The following AGAP4 variants were observed in gnomAD, a reference collection of about 807,000 sequenced individuals.
The protein encoded by AGAP4 is ArfGAP with GTPase domain, ankyrin repeat and PH domain 4, also known as arf-GAP with GTPase, ANK repeat and PH domain-containing protein 4.
Under a neutral mutation model 60.7 loss-of-function variants are expected in AGAP4, and 13 were observed. The ratio of observed to expected loss-of-function variants is 0.21; its 90% confidence interval spans 0.14 to 0.34. AGAP4 has a LOEUF of 0.34. AGAP4 is among the 10% of genes least tolerant of loss of function. AGAP4 has a pLI of 1.00. For synonymous variants in AGAP4, 70 were observed against 339.0 expected (o/e 0.21, Z 8.72); for missense variants, 169 against 884.0 (o/e 0.19, Z 10.26).
chr10:45,838,915 TAAAC>T (rs1416214792), intron 4 of AGAP4, among the ~76,000 whole-genome samples: 64 of 143,848 alleles, frequency 4.4e-4, no homozygotes, highest in Admixed American at 1.8e-3. Context: ...ATGAAAATAT[TAAAC>T]AAGGCCTTAG....
At chr10:45,838,071 A>C (rs1347272362) in intron 4 of AGAP4, among the ~76,000 whole-genome samples, 1 of 150,132 alleles carries the variant, frequency 6.7e-6, no homozygotes, top group Non-Finnish European at 1.5e-5. Flanking sequence ...AGAAACCGTG[A>C]TATACATACA....
chr10:45,849,247 C>A (rs2059049412), upstream of AGAP4, among the ~76,000 whole-genome samples: 1 of 151,158 alleles, frequency 6.6e-6, no homozygotes, highest in Admixed American at 6.6e-5. Flanking sequence ...CAAAACAAAA[C>A]CCTATAAGAT....
At chr10:45,848,318 A>G (rs1378116676), upstream of AGAP4, among the ~76,000 whole-genome samples, 3 of 140,134 alleles carry the variant, frequency 2.1e-5, no homozygotes, top group African/African-American at 5.4e-5. Context: ...GCTGAAACTT[A>G]CCAACTCCCT....
At chr10:45,844,626 G>C in intron 2 of AGAP4, 1 of 410,252 alleles carries the variant, frequency 2.4e-6, no homozygotes, top group South Asian at 4.0e-5. Flanking sequence ...TCAGGAAGTT[G>C]AGGCCAGCAT....
At chr10:45,848,847 A>G (rs1276448992), upstream of AGAP4, 1 of 151,414 alleles carries the variant, frequency 6.6e-6, no homozygotes, top group African/African-American at 2.4e-5. Flanking sequence ...ACTTACAATC[A>G]TGGCAGAAGG....
At chr10:45,842,314 G>A (rs1389861087) in intron 3 of AGAP4, among the ~76,000 whole-genome samples, 89 of 148,368 alleles carry the variant, frequency 6.0e-4, no homozygotes, top group Middle Eastern at 6.9e-3. Flanking sequence ...GGATCTCAGC[G>A]CACTGCAACC....
chr10:45,832,183 A>G (rs2058743594), intron 5 of AGAP4, among the ~76,000 whole-genome samples: 3 of 142,528 alleles, frequency 2.1e-5, no homozygotes, highest in African/African-American at 7.7e-5. Flanking sequence ...ATTAGCAGGT[A>G]AGATGGATAT....
At chr10:45,850,656 T>A (rs1169352024), upstream of AGAP4, among the ~76,000 whole-genome samples, 1 of 152,234 alleles carries the variant, frequency 6.6e-6, no homozygotes, top group African/African-American at 2.4e-5. Flanking sequence ...AAGTCTGTGA[T>A]CATTTGGGAG....
rs1458877288 is a variant in AGAP4, at chr10:45,836,922, A to G, written c.397-2806T>C. 3.2e-4 allele frequency among the ~76,000 whole-genome samples: 48 copies of G among 149,220 alleles called. No individual in the cohort carries two copies. The South Asian group carries it at 4.9e-3, about 15-fold the overall frequency. On this transcript the variant is annotated intron_variant, in intron 4 of 7. Coordinates refer to ENST00000616763, the MANE Select transcript of AGAP4 (RefSeq NM_001276343.3). ...CTCTGTTGCCCAGGCTGGAATATGC[A>G]GTGTGGTGATCTTGGCTCACTGCAA...
At chr10:45,848,126 C>G (rs1440393115), upstream of AGAP4, among the ~76,000 whole-genome samples, 1 of 148,278 alleles carries the variant, frequency 6.7e-6, no homozygotes, top group African/African-American at 2.5e-5. Context: ...ACACTCCTCT[C>G]CTGTCTTCCA....
At chr10:45,848,545 A>T (rs550425881), upstream of AGAP4, among the ~76,000 whole-genome samples, 1 of 151,384 alleles carries the variant, frequency 6.6e-6, no homozygotes, top group Admixed American at 6.6e-5. Context: ...CTCAGAAACA[A>T]TCTCATGTTA....
Position 45,829,585 on chromosome 10 carries a change from C to A in AGAP4, c.534-1505G>T, listed in dbSNP as rs2058698744. The stretch of plus-strand genomic sequence containing the variant: ...TAAGAAAATTAGCCTGGCGTGGTGC[C>A]ACACATCTGTGGTCCCAGCTACAAA... On this transcript the variant is annotated intron_variant, in intron 6 of 7. Transcript: ENST00000616763. 2.0e-5 allele frequency among the ~76,000 whole-genome samples: 3 copies of A among 152,206 alleles called. No homozygotes were observed. The South Asian group carries it at 6.2e-4, about 31-fold the overall frequency.
At chr10:45,840,048 A>C (rs1590031603) in intron 4 of AGAP4, among the ~76,000 whole-genome samples, 1 of 150,418 alleles carries the variant, frequency 6.6e-6, no homozygotes, top group South Asian at 2.1e-4. Flanking sequence ...AAAATAAAAA[A>C]AAAAATTCTC....
At chr10:45,831,897 G>A (rs2058737510) in intron 5 of AGAP4, among the ~76,000 whole-genome samples, 1 of 147,622 alleles carries the variant, frequency 6.8e-6, no homozygotes, top group African/African-American at 2.5e-5. Context: ...GTGCCACTAT[G>A]CCCAGATAAT....
Position 45,831,433 on chromosome 10 carries a change from T to G in AGAP4, c.498-4A>C, listed in dbSNP as rs1274767943. The G allele has an allele frequency of 4.4e-6, 7 of 1,588,082 alleles. 1 individual carries two copies. The highest frequency in any genetic ancestry group is 1.7e-4 in the Middle Eastern group (1 of 5,932). ...ATGAGGTATCTCCAAGGTCACACTGTGGAAGGAAAAAAATTCATAACAATA... is the reference window on the plus strand; with the variant it reads ...ATGAGGTATCTCCAAGGTCACACTGGGGAAGGAAAAAAATTCATAACAATA... On this transcript the variant is annotated splice_region_variant and splice_polypyrimidine_tract_variant and intron_variant, in intron 5 of 7. Coordinates refer to ENST00000616763, the MANE Select transcript of AGAP4 (RefSeq NM_001276343.3).
chr10:45,852,161 C>T (rs2059091168), upstream of AGAP4, among the ~76,000 whole-genome samples: 1 of 149,844 alleles, frequency 6.7e-6, no homozygotes, highest in South Asian at 2.1e-4. Context: ...ATCTGCCCGC[C>T]TCGGCCTCCC....
At chr10:45,832,029 C>T (rs1305355956) in intron 5 of AGAP4, among the ~76,000 whole-genome samples, 10 of 136,530 alleles carry the variant, frequency 7.3e-5, no homozygotes, top group African/African-American at 2.7e-4. Context: ...CCTGCCTCAG[C>T]CTCCCAAGTG....
intron 3 of AGAP4, among the ~76,000 whole-genome samples, chr10:45,842,510 T>C (rs1395503942): frequency 6.8e-6 from 1 of 146,968 alleles, no homozygotes; most frequent in Non-Finnish European, 1.5e-5. Flanking sequence ...TCCCAAAGAG[T>C]TGGGATTACA....
In AGAP4 at chr10:45,828,659, C is replaced by CA. The variant is rs2058683236; in HGVS notation, c.534-580dup. On this transcript the variant is annotated intron_variant, in intron 6 of 7. Coordinates refer to ENST00000616763, the MANE Select transcript of AGAP4 (RefSeq NM_001276343.3). Reference sequence around the variant, plus strand: ...CTCTCGGGATCCCGAAGACCCCTTCCAGAAGGCCTAAGAGGTCATAACTGT... The same window carrying CA: ...CTCTCGGGATCCCGAAGACCCCTTCCAAGAAGGCCTAAGAGGTCATAACTGT... Among the ~76,000 whole-genome samples the CA allele has an allele frequency of 1.4e-5, 2 of 142,002 alleles. 1 individual carries two copies. The highest frequency in any genetic ancestry group is 3.1e-5 in the Non-Finnish European group (2 of 64,920). 93.2% of individuals were successfully genotyped at this position (142,002 alleles called of 152,430 possible).
Sources: gnomAD v4.1 joint callset for allele counts (sites outside exome capture counted in the v4.1 genomes callset) on GRCh38, gnomAD v4.1.1 for gene constraint, MANE v1.5 for transcripts, NCBI Gene and HGNC (gene_info 2026-07-23, HGNC 2026-07-21) for gene names.